Variants in TYW1B observed in about 807,000 individuals in gnomAD.
The protein encoded by TYW1B is S-adenosyl-L-methionine-dependent tRNA 4-demethylwyosine synthase TYW1B.
In TYW1B, 73 loss-of-function variants were observed where a neutral mutation model predicts 86.9. The ratio of observed to expected loss-of-function variants is 0.84; its 90% confidence interval spans 0.70 to 1.02. TYW1B has a LOEUF of 1.02. TYW1B is among the 50% of genes least tolerant of loss of function. The probability of loss-of-function intolerance (pLI) is 0.00; values close to 1 mark genes in which losing one functional copy is unlikely to be tolerated. For missense variants in TYW1B, 637 were observed against 827.4 expected, an observed-to-expected ratio of 0.77 and a Z score of 2.82; for synonymous variants, 248 against 292.8, an observed-to-expected ratio of 0.85 and a Z score of 1.56.
chr7:72,599,142 T>C (rs1194539571), intron 13 of TYW1B, among the ~76,000 whole-genome samples: 2 of 152,150 alleles, frequency 1.3e-5, no homozygotes, highest in Non-Finnish European at 2.9e-5. Context: ...ATCAATAAAA[T>C]GTTAGCAAAT....
intron 12 of TYW1B, among the ~76,000 whole-genome samples, chr7:72,625,903 G>GGT (rs1408776755): frequency 2.5e-5 from 3 of 119,528 alleles, no homozygotes; most frequent in East Asian, 3.0e-4. Context: ...GGGCGGGGGG[G>GGT]GGGGAAGAAA....
chr7:72,688,731 A>G (rs1218257040), intron 11 of TYW1B, among the ~76,000 whole-genome samples: 4 of 152,092 alleles, frequency 2.6e-5, no homozygotes, highest in East Asian at 1.9e-4. Flanking sequence ...TCCTTCCCCA[A>G]TGTTCTCCTG....
In TYW1B at chr7:72,585,435, C is replaced by G. The variant is rs191239299; in HGVS notation, c.1786-9716G>C. On this transcript the variant is annotated intron_variant, in intron 13 of 13. Transcript: ENST00000620995. The stretch of plus-strand genomic sequence containing the variant: ...ACTATTCCTCCACGTAACACTATAC[C>G]ATTCTTTATTTAAAAAGCAAATGGT... Among the ~76,000 whole-genome samples, 122 of 152,226 alleles carry G rather than the reference C, an allele frequency of 8.0e-4. 1 individual carries two copies. Among genetic ancestry groups the G allele is most frequent in the African/African-American group, 2.9e-3 (119 of 41,550 alleles).
intron 8 of TYW1B, among the ~76,000 whole-genome samples, chr7:72,738,227 C>T (rs1393005043): frequency 6.6e-6 from 1 of 151,794 alleles, no homozygotes; most frequent in Non-Finnish European, 1.5e-5. Flanking sequence ...ATTACAGGCG[C>T]CTGCCACTAA....
chr7:72,734,041 A>G (rs1344435999), intron 8 of TYW1B, among the ~76,000 whole-genome samples: 2 of 151,874 alleles, frequency 1.3e-5, no homozygotes, highest in African/African-American at 4.8e-5. Context: ...GGCAGATCAC[A>G]AAGTCAGGAG....
intron 8 of TYW1B, among the ~76,000 whole-genome samples, chr7:72,741,923 C>A (rs1405410058): frequency 6.6e-6 from 1 of 152,144 alleles, no homozygotes; most frequent in Admixed American, 6.5e-5. Context: ...GACATTAAGA[C>A]ACTGACAAAT....
chr7:72,647,640 G>A (rs1812961064), intron 11 of TYW1B, among the ~76,000 whole-genome samples: 1 of 151,940 alleles, frequency 6.6e-6, no homozygotes, highest in Non-Finnish European at 1.5e-5. Flanking sequence ...TTTGTACCTC[G>A]TTCCCATTGA....
At chr7:72,652,100 G>A (rs1453370484) in intron 11 of TYW1B, among the ~76,000 whole-genome samples, 14 of 152,198 alleles carry the variant, frequency 9.2e-5, no homozygotes, top group South Asian at 2.1e-4. Flanking sequence ...GTTTGGGGCC[G>A]GGCGTGGTGG....
chr7:72,776,139 C>A (rs113196715), intron 7 of TYW1B, among the ~76,000 whole-genome samples: 13 of 151,676 alleles, frequency 8.6e-5, no homozygotes, highest in African/African-American at 2.9e-4. Flanking sequence ...AGAGCAAGAC[C>A]CGACTCAACC....
In TYW1B at chr7:72,604,938, T is replaced by C. The variant is rs1490350435; in HGVS notation, c.1785+11734A>G. Reference sequence around the variant, plus strand: ...TTTCTGCACCCTTCTATTACGTTGGTGCAAAAGTAATTGTGGTCTTTGCCA... The same window carrying C: ...TTTCTGCACCCTTCTATTACGTTGGCGCAAAAGTAATTGTGGTCTTTGCCA... On this transcript the variant is annotated intron_variant, in intron 13 of 13. Transcript: ENST00000620995. Among the ~76,000 whole-genome samples, 12 of 152,320 alleles carry C rather than the reference T, an allele frequency of 7.9e-5. No homozygotes were observed. The East Asian group carries it at 2.1e-3, about 27-fold the overall frequency.
intron 10 of TYW1B, among the ~76,000 whole-genome samples, chr7:72,710,621 T>C (rs1317888762): frequency 2.0e-5 from 3 of 151,868 alleles, no homozygotes; most frequent in African/African-American, 7.3e-5. Flanking sequence ...AGGTCAGGAG[T>C]TTGAAACCAG....
chr7:72,682,136 C>G (rs1296241026), intron 11 of TYW1B, among the ~76,000 whole-genome samples: 3 of 152,002 alleles, frequency 2.0e-5, no homozygotes, highest in Non-Finnish European at 4.4e-5. Flanking sequence ...CCTCAGCCTC[C>G]CAAAGTGCTG....
chr7:72,654,029 A>C (rs1309262851), intron 11 of TYW1B, among the ~76,000 whole-genome samples: 1 of 151,398 alleles, frequency 6.6e-6, no homozygotes. Flanking sequence ...GCAGTGAGCT[A>C]AGAGCATGCC....
chr7:72,607,637 A>G (rs1231751584), intron 13 of TYW1B, among the ~76,000 whole-genome samples: 1 of 152,094 alleles, frequency 6.6e-6, no homozygotes, highest in Non-Finnish European at 1.5e-5. Context: ...GAATCAATCT[A>G]AAGTTAGGAC....
chr7:72,775,979 G>A (rs1554470467), intron 7 of TYW1B, among the ~76,000 whole-genome samples: 1 of 152,018 alleles, frequency 6.6e-6, no homozygotes, highest in Admixed American at 6.6e-5. Context: ...ATAAAGTGTA[G>A]GCTTTAGAGC....
intron 7 of TYW1B, among the ~76,000 whole-genome samples, chr7:72,771,025 C>T (rs1401382013): frequency 2.2e-5 from 3 of 138,868 alleles, no homozygotes; most frequent in African/African-American, 8.2e-5. Context: ...TGCAGTGGCA[C>T]GATCTGGGCT....
chr7:72,727,677 C>T (rs554323283), intron 9 of TYW1B, among the ~76,000 whole-genome samples: 3 of 151,872 alleles, frequency 2.0e-5, no homozygotes, highest in Admixed American at 6.6e-5. Flanking sequence ...GGCGTGGTGG[C>T]CAGCGCCTGT....
intron 11 of TYW1B, among the ~76,000 whole-genome samples, chr7:72,632,053 T>C (rs1812504441): frequency 6.6e-6 from 1 of 151,552 alleles, no homozygotes; most frequent in Admixed American, 6.6e-5. Context: ...TCTCAGCACA[T>C]TGGAAGGCCA....
At chr7:72,714,356 C>T (rs1231375599) in intron 9 of TYW1B, among the ~76,000 whole-genome samples, 1 of 152,112 alleles carries the variant, frequency 6.6e-6, no homozygotes, top group Admixed American at 6.6e-5. Flanking sequence ...GTAGCTCACA[C>T]CTGTATTCCC....
Sources: gnomAD v4.1 joint callset for allele counts (sites outside exome capture counted in the v4.1 genomes callset) on GRCh38, gnomAD v4.1.1 for gene constraint, MANE v1.5 for transcripts, NCBI Gene and HGNC (gene_info 2026-07-23, HGNC 2026-07-21) for gene names.